PRDM14: variants seen among roughly 807,000 people sequenced by gnomAD.
PRDM14 encodes the protein PR/SET domain 14, also known as PR domain zinc finger protein 14.
In PRDM14, 16 loss-of-function variants were observed where a neutral mutation model predicts 48.0. That is an observed-to-expected ratio of 0.33 (90% CI 0.23 to 0.51). The LOEUF (loss-of-function observed/expected upper bound fraction) is 0.51, where lower values mean the gene tolerates loss of function less well. Among genes scored for constraint, PRDM14 ranks in the 20% least tolerant of loss-of-function variants. PRDM14 has a pLI of 0.97. For missense variants in PRDM14, 566 were observed against 719.6 expected, an observed-to-expected ratio of 0.79 and a Z score of 2.44; for synonymous variants, 264 against 276.6, an observed-to-expected ratio of 0.95 and a Z score of 0.45.
chr8:70,062,328 T>A lies in PRDM14; in HGVS notation c.1184-3486A>T, dbSNP rs75790086. On this transcript the variant is annotated intron_variant, in intron 5 of 7. Coordinates refer to ENST00000276594, the MANE Select transcript of PRDM14 (RefSeq NM_024504.4). ...CTATTCCATGTTAATAACAAATAGG[T>A]TGAGTATCCTTTTTCTGAAATGCTT... is the stretch of plus-strand genomic sequence containing the variant. 5.6e-3 allele frequency among the ~76,000 whole-genome samples: 850 copies of A among 152,256 alleles called. 5 individuals carry two copies. Among genetic ancestry groups the A allele is most frequent in the African/African-American group, 0.02 (816 of 41,544 alleles).
rs777862446 is a variant in PRDM14 at position 70,069,427 on chromosome 8, C to G, written c.434G>C (p.Gly145Ala). 4 of 1,596,600 alleles carry G rather than the reference C, an allele frequency of 2.5e-6. No homozygotes were observed. The South Asian group carries it at 4.5e-5, about 18-fold the overall frequency. ...GGDNESGPCC[G>A]PDTLIPPPPA... ...GGGCGGTGGAATTAAAGTGTCAGGT[C>G]CACAACACGGGCCACTCTCGTTGTC... The change falls in exon 2 of 8, where the codon GGA becomes GCA. Residue 145 changes from glycine (G) to alanine (A), a missense_variant. This residue lies in a region of PRDM14 where 410 missense variants were observed against 424.6 expected (regional missense o/e 0.97). Transcript: ENST00000276594.
intron 6 of PRDM14, among the ~76,000 whole-genome samples, chr8:70,057,750 C>T (rs1212028574): frequency 6.6e-6 from 1 of 152,192 alleles, no homozygotes; most frequent in Non-Finnish European, 1.5e-5. Context: ...GAAATACCTT[C>T]ACCGTCCTGA....
At chr8:70,057,634 T>G (rs1034260561) in intron 6 of PRDM14, among the ~76,000 whole-genome samples, 2 of 152,194 alleles carry the variant, frequency 1.3e-5, no homozygotes, top group Non-Finnish European at 2.9e-5. Context: ...GCCTGGCCAG[T>G]AAGCCATAAT....
At chr8:70,058,453 C>T (rs1805517885) in intron 6 of PRDM14, among the ~76,000 whole-genome samples, 187 bp downstream of exon 6, 1 of 152,212 alleles carries the variant, frequency 6.6e-6, no homozygotes, top group Admixed American at 6.5e-5. Context: ...TGCATCCTAA[C>T]ACATGTGCAT....
intron 7 of PRDM14, among the ~76,000 whole-genome samples, chr8:70,052,736 G>A (rs1805407899): frequency 6.6e-6 from 1 of 151,754 alleles, no homozygotes; most frequent in Non-Finnish European, 1.5e-5. Flanking sequence ...ATGCTATCGT[G>A]CACCTTTAAT....
At chr8:70,067,962 T>C (rs1224539356) in intron 4 of PRDM14, among the ~76,000 whole-genome samples, 1 of 152,228 alleles carries the variant, frequency 6.6e-6, no homozygotes, top group Non-Finnish European at 1.5e-5. Flanking sequence ...TACAACATAT[T>C]GATTCTTTAA....
chr8:70,063,053 A>G (rs1805611869), intron 5 of PRDM14, among the ~76,000 whole-genome samples: 1 of 152,318 alleles, frequency 6.6e-6, no homozygotes, highest in African/African-American at 2.4e-5. Flanking sequence ...CTTTTGGACT[A>G]TTTCTCGATA....
intron 5 of PRDM14, 69 bp downstream of exon 5, chr8:70,066,166 G>T: frequency 1.3e-6 from 2 of 1,530,080 alleles, no homozygotes; most frequent in South Asian, 1.2e-5. Context: ...TGCATGGAGG[G>T]TTTGTGGAAA....
Position 70,058,711 on chromosome 8 carries a change from G to A in PRDM14, c.1315C>T (p.Arg439Ter). The A allele has an allele frequency of 1.2e-6, 2 of 1,614,150 alleles. No homozygotes were observed. The highest frequency in any genetic ancestry group is 1.7e-6 in the Non-Finnish European group (2 of 1,180,010). ...DRKFPCSLCK[R>*]SFEKRDRLRI... is the part of the protein sequence containing the mutation. Reference sequence around the variant, plus strand: ...AGCCGGTCCCGCTTCTCAAAGGATCGTTTGCAGAGAGAACAGGGAAATTTC... The same window carrying A: ...AGCCGGTCCCGCTTCTCAAAGGATCATTTGCAGAGAGAACAGGGAAATTTC... The change falls in exon 6 of 8, where the codon CGA becomes TGA. Residue 439 changes from arginine (R) to a stop codon, truncating the protein, a stop_gained. Transcript: ENST00000276594. LOFTEE classifies it high-confidence loss of function.
intron 5 of PRDM14, among the ~76,000 whole-genome samples, chr8:70,061,227 G>C (rs1402320036): frequency 2.0e-5 from 3 of 152,126 alleles, no homozygotes. Context: ...CCCTGCAGAG[G>C]ACACTCTGGA....
chr8:70,065,608 T>C (rs1370078576), intron 5 of PRDM14, among the ~76,000 whole-genome samples: 1 of 151,902 alleles, frequency 6.6e-6, no homozygotes, highest in African/African-American at 2.4e-5. Context: ...AGTTTGAGAG[T>C]GAGAGTCCAG....
At chr8:70,066,911 T>C (rs1805678491) in intron 4 of PRDM14, among the ~76,000 whole-genome samples, 1 of 152,024 alleles carries the variant, frequency 6.6e-6, no homozygotes, top group African/African-American at 2.4e-5. Context: ...AAAAAATTTT[T>C]TGTAGAGACA....
chr8:70,065,138 G>A (rs752790053), intron 5 of PRDM14, among the ~76,000 whole-genome samples: 9 of 151,438 alleles, frequency 5.9e-5, no homozygotes, highest in Non-Finnish European at 8.8e-5. Context: ...TGCCCATTTC[G>A]GCATCCCAAA....
intron 6 of PRDM14, among the ~76,000 whole-genome samples, chr8:70,057,752 C>T (rs958214164): frequency 1.3e-5 from 2 of 152,160 alleles, no homozygotes; most frequent in Non-Finnish European, 2.9e-5. Flanking sequence ...AATACCTTCA[C>T]CGTCCTGATA....
intron 5 of PRDM14, among the ~76,000 whole-genome samples, chr8:70,060,226 C>T (rs557210025): frequency 3.3e-5 from 5 of 152,088 alleles, no homozygotes; most frequent in African/African-American, 1.2e-4. Context: ...CATAGTAAGA[C>T]CCCATCTCTA....
At chr8:70,055,891 C>A (rs1161169649) in intron 6 of PRDM14, among the ~76,000 whole-genome samples, 1 of 152,216 alleles carries the variant, frequency 6.6e-6, no homozygotes, top group African/African-American at 2.4e-5. Flanking sequence ...GCTCTCTCAA[C>A]AGGTAGCTGT....
In PRDM14 at chr8:70,052,084, T is replaced by C; in HGVS notation, c.1709A>G (p.Asp570Gly). Residue 570 changes from aspartate (D) to glycine (G), a missense_variant, in exon 8 of 8, where the codon GAC (aspartate) becomes GGC (glycine). Coordinates refer to ENST00000276594, the MANE Select transcript of PRDM14 (RefSeq NM_024504.4). ...TCATTGTGCCTGGCAGGGCTAGTAG[T>C]CTTCATGAAACTTCATGTGGGAGTA... is the stretch of plus-strand genomic sequence containing the variant. ...TFYSHMKFHE[D>G]Y 6.2e-7 allele frequency: 1 copy of C among 1,601,002 alleles called. No individual in the cohort carries two copies. The highest frequency in any genetic ancestry group is 8.5e-7 in the Non-Finnish European group (1 of 1,172,580).
At chr8:70,062,756 G>A (rs749155957) in intron 5 of PRDM14, among the ~76,000 whole-genome samples, 16 of 152,140 alleles carry the variant, frequency 1.1e-4, no homozygotes, top group Admixed American at 2.6e-4. Flanking sequence ...ATGAGCCACC[G>A]TGCCTGGCCC....
intron 7 of PRDM14, 79 bp from the exon 8 acceptor site, chr8:70,052,383 T>C: frequency 8.5e-7 from 1 of 1,174,974 alleles, no homozygotes; most frequent in Non-Finnish European, 1.2e-6. Context: ...AAGGGGTAAA[T>C]TTCACTGTTG....
Sources: gnomAD v4.1 joint callset for allele counts (sites outside exome capture counted in the v4.1 genomes callset) on GRCh38, gnomAD v4.1.1 for gene constraint, gnomAD v4.1.1 regional missense constraint, MANE v1.5 for transcripts, NCBI Gene and HGNC (gene_info 2026-07-23, HGNC 2026-07-21) for gene names.